CEP112: variants seen among roughly 807,000 people sequenced by gnomAD.
CEP112 encodes centrosomal protein 112, also known as centrosomal protein of 112 kDa.
In CEP112, 127 loss-of-function variants were observed where a neutral mutation model predicts 153.0. The ratio of observed to expected loss-of-function variants is 0.83; its 90% confidence interval spans 0.72 to 0.96. The LOEUF (loss-of-function observed/expected upper bound fraction) is 0.96, where lower values mean the gene tolerates loss of function less well. CEP112 is among the 40% of genes least tolerant of loss of function. The pLI is 0.00. For synonymous variants in CEP112, 358 were observed against 374.4 expected (o/e 0.96, Z 0.51); for missense variants, 1,089 against 1,101.2 (o/e 0.99, Z 0.16).
chr17:65,890,931 C>T (rs548832106), intron 20 of CEP112, among the ~76,000 whole-genome samples: 1 of 152,292 alleles, frequency 6.6e-6, no homozygotes, highest in Non-Finnish European at 1.5e-5. Flanking sequence ...TAAGATGCGT[C>T]CTCTGTCTAC....
intron 24 of CEP112, among the ~76,000 whole-genome samples, chr17:65,686,632 T>C (rs1476354040): frequency 6.6e-6 from 1 of 152,198 alleles, no homozygotes; most frequent in African/African-American, 2.4e-5. Flanking sequence ...CAGTGACAAT[T>C]AGACCTGCTG....
intron 12 of CEP112, among the ~76,000 whole-genome samples, chr17:66,042,186 TGAAA>T (rs2066012470): frequency 6.6e-6 from 1 of 151,988 alleles, no homozygotes; most frequent in African/African-American, 2.4e-5. Context: ...CTGTCTCTAC[TGAAA>T]ACTACAAAAA....
intron 19 of CEP112, among the ~76,000 whole-genome samples, chr17:65,915,135 C>T (rs2060428541): frequency 1.3e-5 from 2 of 152,188 alleles, no homozygotes; most frequent in Admixed American, 6.5e-5. Context: ...CCACCTCTTC[C>T]TCATATGTAA....
chr17:66,151,764 G>A (rs2071220537), intron 4 of CEP112, among the ~76,000 whole-genome samples: 1 of 152,148 alleles, frequency 6.6e-6, no homozygotes. Flanking sequence ...TTAACCATAT[G>A]AGTGAGAATA....
chr17:66,136,551 T>C (rs1382386302), intron 4 of CEP112, among the ~76,000 whole-genome samples: 1 of 152,080 alleles, frequency 6.6e-6, no homozygotes, highest in African/African-American at 2.4e-5. Context: ...CTAAAGCATA[T>C]ATCCAACATT....
At chr17:65,884,487 T>A (rs1405784407) in intron 20 of CEP112, among the ~76,000 whole-genome samples, 1 of 152,012 alleles carries the variant, frequency 6.6e-6, no homozygotes, top group Non-Finnish European at 1.5e-5. Context: ...ATGTAAGGAG[T>A]AGGTAAAATA....
chr17:65,795,370 A>G (rs1338335259), intron 21 of CEP112, among the ~76,000 whole-genome samples: 10 of 152,200 alleles, frequency 6.6e-5, no homozygotes, highest in Non-Finnish European at 7.3e-5. Context: ...GAGAGGTATT[A>G]CCCCATTTTA....
At chr17:65,993,377 C>G (rs1598039264) in intron 17 of CEP112, among the ~76,000 whole-genome samples, 1 of 152,246 alleles carries the variant, frequency 6.6e-6, no homozygotes, top group East Asian at 1.9e-4. Flanking sequence ...GTCTTTGCTA[C>G]TGTGAATGGT....
chr17:65,725,299 T>C (rs373370735), intron 23 of CEP112, among the ~76,000 whole-genome samples: 19 of 152,024 alleles, frequency 1.2e-4, no homozygotes, highest in East Asian at 9.6e-4. Flanking sequence ...ATTAATATAT[T>C]TAGTAACCAG....
intron 23 of CEP112, among the ~76,000 whole-genome samples, chr17:65,704,923 G>A (rs1360342345): frequency 6.6e-6 from 1 of 152,198 alleles, no homozygotes; most frequent in Non-Finnish European, 1.5e-5. Context: ...TGTCAAAAAC[G>A]TTTATCATGC....
intron 12 of CEP112, among the ~76,000 whole-genome samples, chr17:66,039,099 G>A (rs943980870): frequency 4.6e-5 from 7 of 152,162 alleles, no homozygotes; most frequent in African/African-American, 1.4e-4. Flanking sequence ...AAAATTTAAT[G>A]TGCCAACAGA....
intron 21 of CEP112, among the ~76,000 whole-genome samples, chr17:65,777,401 A>G (rs935372287): frequency 6.6e-6 from 1 of 152,186 alleles, no homozygotes; most frequent in South Asian, 2.1e-4. Flanking sequence ...TTTATTGGCC[A>G]TATTTCCTGA....
At chr17:65,849,202 T>A (rs1337163058) in intron 21 of CEP112, among the ~76,000 whole-genome samples, 1 of 152,228 alleles carries the variant, frequency 6.6e-6, no homozygotes, top group Non-Finnish European at 1.5e-5. Context: ...TTCTTTTGAC[T>A]TAGAATGCCA....
chr17:66,046,509 T>C (rs1448560903), intron 12 of CEP112, among the ~76,000 whole-genome samples: 1 of 152,154 alleles, frequency 6.6e-6, no homozygotes, highest in Non-Finnish European at 1.5e-5. Context: ...CCTTCTTAAA[T>C]CCAATGGTTT....
intron 23 of CEP112, among the ~76,000 whole-genome samples, chr17:65,692,225 T>A (rs1349032857): frequency 1.2e-5 from 1 of 86,506 alleles, no homozygotes. Context: ...TGCACTGGAA[T>A]TTTTTTTTTT....
Position 65,833,653 on chromosome 17 carries a change from G to A in CEP112, c.2394+18151C>T, listed in dbSNP as rs373014197. Among the ~76,000 whole-genome samples, 17 of 152,072 alleles carry A rather than the reference G, an allele frequency of 1.1e-4. No individual in the cohort carries two copies. The East Asian group carries it at 2.1e-3, about 19-fold the overall frequency. On this transcript the variant is annotated intron_variant, in intron 21 of 26. Transcript: ENST00000535342. Reference sequence around the variant, plus strand: ...TATACCTAGGAATACAGCTAACCACGGAGGTAAAAAGTCTCTACAATGAAA... The same window carrying A: ...TATACCTAGGAATACAGCTAACCACAGAGGTAAAAAGTCTCTACAATGAAA...
At chr17:66,078,257 CT>C (rs1188440615) in intron 8 of CEP112, among the ~76,000 whole-genome samples, 2 of 50,738 alleles carry the variant, frequency 3.9e-5, no homozygotes, top group Non-Finnish European at 8.5e-5. Context: ...CTTTTCTTTT[CT>C]TTTTCTTTTT....
intron 24 of CEP112, among the ~76,000 whole-genome samples, chr17:65,683,858 A>G (rs1374198518): frequency 6.6e-6 from 1 of 152,158 alleles, no homozygotes; most frequent in African/African-American, 2.4e-5. Flanking sequence ...CCTGGCCAAT[A>G]TGGTGAAACC....
At chr17:66,090,188 T>C (rs2068081387) in intron 8 of CEP112, among the ~76,000 whole-genome samples, 1 of 152,000 alleles carries the variant, frequency 6.6e-6, no homozygotes, top group South Asian at 2.1e-4. Flanking sequence ...TCAAGTGAAA[T>C]CTTGATGCTC....
Sources: gnomAD v4.1 joint callset for allele counts (sites outside exome capture counted in the v4.1 genomes callset) on GRCh38, gnomAD v4.1.1 for gene constraint, MANE v1.5 for transcripts, NCBI Gene and HGNC (gene_info 2026-07-23, HGNC 2026-07-21) for gene names.